Variants in GNA12 observed in about 807,000 individuals in gnomAD.
The protein encoded by GNA12 is guanine nucleotide-binding protein subunit alpha-12.
Under a neutral mutation model 26.0 loss-of-function variants are expected in GNA12, and 9 were observed. That is an observed-to-expected ratio of 0.35 (90% CI 0.21 to 0.60). The LOEUF (loss-of-function observed/expected upper bound fraction) is 0.60. Ranked by LOEUF, GNA12 falls within the 20% of genes least tolerant of loss-of-function variation. The pLI is 0.78. For missense variants in GNA12, 405 were observed against 525.8 expected, an observed-to-expected ratio of 0.77 and a Z score of 2.25; for synonymous variants, 264 against 219.6, an observed-to-expected ratio of 1.20 and a Z score of -1.79.
At chr7:2,833,553 C>A (rs956709246) in intron 1 of GNA12, among the ~76,000 whole-genome samples, 3 of 152,186 alleles carry the variant, frequency 2.0e-5, no homozygotes, top group African/African-American at 7.2e-5. Context: ...AGACCAATCA[C>A]TCATGTGTTC....
chr7:2,737,274 GT>G (rs1041056812), intron 2 of GNA12, among the ~76,000 whole-genome samples: 9 of 35,028 alleles, frequency 2.6e-4, no homozygotes, highest in African/African-American at 5.9e-4. Flanking sequence ...GTTTTGTTTT[GT>G]TTTTTTTTTT....
At chr7:2,789,210 A>G (rs932859740) in intron 2 of GNA12, among the ~76,000 whole-genome samples, 1 of 115,510 alleles carries the variant, frequency 8.7e-6, no homozygotes, top group Non-Finnish European at 1.7e-5. Context: ...ATCTCGGCTC[A>G]CTGCAAGCTC....
At chr7:2,743,771 A>C (rs961387023) in intron 2 of GNA12, among the ~76,000 whole-genome samples, 1 of 152,056 alleles carries the variant, frequency 6.6e-6, no homozygotes, top group Non-Finnish European at 1.5e-5. Context: ...TCCCTTTCCT[A>C]CTCAAAGAAA....
At chr7:2,774,254 T>C (rs537182484) in intron 2 of GNA12, among the ~76,000 whole-genome samples, 1 of 152,318 alleles carries the variant, frequency 6.6e-6, no homozygotes, top group East Asian at 1.9e-4. Flanking sequence ...TATGCATATA[T>C]ACACACATGC....
chr7:2,748,238 C>G (rs1790862778), intron 2 of GNA12, among the ~76,000 whole-genome samples: 1 of 151,766 alleles, frequency 6.6e-6, no homozygotes, highest in South Asian at 2.1e-4. Context: ...CTGGAGGCAT[C>G]ACGCTACCTG....
chr7:2,780,048 G>GTGTA lies in GNA12; in HGVS notation c.525+14879_525+14880insTACA, dbSNP rs748113158. ...GTACTAGTTTTTTACACATTTCTGT[G>GTGTA]TACATATATATATATATATATATAT... On this transcript the variant is annotated intron_variant, in intron 2 of 3. Coordinates refer to ENST00000275364, the MANE Select transcript of GNA12 (RefSeq NM_007353.3). Among the ~76,000 whole-genome samples, 333 of 84,660 alleles carry GTGTA rather than the reference G, an allele frequency of 3.9e-3. 12 individuals are homozygous for GTGTA. Among genetic ancestry groups the GTGTA allele is most frequent in the Middle Eastern group, 7.7e-3 (1 of 130 alleles). The allele number at this position is 84,660 out of a possible 152,430, so 55.5% of individuals were successfully genotyped here.
intron 2 of GNA12, among the ~76,000 whole-genome samples, chr7:2,763,696 G>A (rs896922468): frequency 6.6e-6 from 1 of 152,178 alleles, no homozygotes; most frequent in African/African-American, 2.4e-5. Context: ...AGAAAGCCTG[G>A]GCTTGTCCAG....
At chr7:2,752,721 AT>A (rs547184765) in intron 2 of GNA12, among the ~76,000 whole-genome samples, 6 of 151,664 alleles carry the variant, frequency 4.0e-5, no homozygotes, top group African/African-American at 1.2e-4. Flanking sequence ...AGAAACGTGA[AT>A]TTTTTTTTGC....
intron 2 of GNA12, chr7:2,762,964 C>A: frequency 7.4e-7 from 1 of 1,359,390 alleles, no homozygotes. Flanking sequence ...CCAGGGTCTC[C>A]TGCTCCTCAG....
At chr7:2,740,635 G>T (rs1194992002) in intron 2 of GNA12, among the ~76,000 whole-genome samples, 1 of 152,184 alleles carries the variant, frequency 6.6e-6, no homozygotes, top group East Asian at 1.9e-4. Context: ...CAAAGATGGT[G>T]AAATGTAAAC....
At chr7:2,819,575 A>G (rs118063483) in intron 1 of GNA12, among the ~76,000 whole-genome samples, 2,233 of 152,366 alleles carry the variant, frequency 0.015, 34 homozygotes, top group Middle Eastern at 0.078. Flanking sequence ...CCTAGTCTGC[A>G]TAAAAGACAA....
chr7:2,810,138 C>T (rs915819196), intron 1 of GNA12, among the ~76,000 whole-genome samples: 2 of 152,224 alleles, frequency 1.3e-5, no homozygotes, highest in African/African-American at 2.4e-5. Flanking sequence ...ATAACAAAAC[C>T]TCACAGGCGG....
intron 2 of GNA12, among the ~76,000 whole-genome samples, chr7:2,754,724 G>A (rs1003369412): frequency 2.6e-5 from 4 of 152,146 alleles, no homozygotes; most frequent in Admixed American, 6.5e-5. Flanking sequence ...ACTCCAGTCC[G>A]AGCAACAGAG....
At chr7:2,747,504 A>G (rs1188887652) in intron 2 of GNA12, among the ~76,000 whole-genome samples, 1 of 152,246 alleles carries the variant, frequency 6.6e-6, no homozygotes, top group Non-Finnish European at 1.5e-5. Context: ...CAAATTAGGT[A>G]TTGATGGGAC....
chr7:2,813,647 G>T (rs189489778), intron 1 of GNA12, among the ~76,000 whole-genome samples: 1 of 152,156 alleles, frequency 6.6e-6, no homozygotes, highest in Non-Finnish European at 1.5e-5. Context: ...AATGGAAATG[G>T]AGGCAATCGC....
At chr7:2,793,649 G>C (rs367612184) in intron 2 of GNA12, among the ~76,000 whole-genome samples, 2 of 152,058 alleles carry the variant, frequency 1.3e-5, no homozygotes, top group Non-Finnish European at 2.9e-5. Flanking sequence ...TTGGGAGGCC[G>C]AGGCGGGTGG....
At chr7:2,836,385 G>A (rs570451940) in intron 1 of GNA12, among the ~76,000 whole-genome samples, 1 of 152,198 alleles carries the variant, frequency 6.6e-6, no homozygotes, top group African/African-American at 2.4e-5. Flanking sequence ...CAGAAAGCAG[G>A]TGGAAAGAAG....
At chr7:2,734,281 G>A in intron 2 of GNA12, among the ~76,000 whole-genome samples, 1 of 152,190 alleles carries the variant, frequency 6.6e-6, no homozygotes. Context: ...ATATGAACAG[G>A]CACGCAATGA....
At chr7:2,795,181 T>C in intron 1 of GNA12, 38 bp from the exon 2 acceptor site, 1 of 1,503,406 alleles carries the variant, frequency 6.7e-7, no homozygotes, top group Non-Finnish European at 9.2e-7. Flanking sequence ...TTTAATTGCA[T>C]TCCAAAGACT....
Sources: gnomAD v4.1 joint callset for allele counts (sites outside exome capture counted in the v4.1 genomes callset) on GRCh38, gnomAD v4.1.1 for gene constraint, MANE v1.5 for transcripts, NCBI Gene and HGNC (gene_info 2026-07-23, HGNC 2026-07-21) for gene names.